ASB8: variants seen among roughly 807,000 people sequenced by gnomAD.
ASB8 encodes the protein ankyrin repeat and SOCS box protein 8.
In ASB8, 15 loss-of-function variants were observed where a neutral mutation model predicts 22.9. The ratio of observed to expected loss-of-function variants is 0.66; its 90% CI spans 0.44 to 1.01. ASB8 has a LOEUF of 1.01. Among genes scored for constraint, ASB8 ranks in the 50% least tolerant of loss-of-function variants. ASB8 has a pLI of 0.00. For missense variants in ASB8, 294 were observed against 356.9 expected, an observed-to-expected ratio of 0.82 and a Z score of 1.42; for synonymous variants, 124 against 140.8, an observed-to-expected ratio of 0.88 and a Z score of 0.84.
In ASB8 at chr12:48,150,286, G is replaced by A. The variant is rs1592847283; in HGVS notation, c.235-288C>T. ...GCAATGTTCTTTTATCTATTCATTAGAATCTCTACCACAGAGTAAGGGGTA... is the reference window on the plus strand; with the variant it reads ...GCAATGTTCTTTTATCTATTCATTAAAATCTCTACCACAGAGTAAGGGGTA... On this transcript the variant is annotated intron_variant, in intron 3 of 3. Transcript: ENST00000317697. The A allele has an allele frequency of 8.9e-6, 6 of 671,472 alleles. No individual in the cohort carries two copies. The East Asian group carries it at 1.6e-4, about 18-fold the overall frequency. 41.6% of individuals were successfully genotyped at this position (671,472 alleles called of 1,614,324 possible).
At chr12:48,155,402 T>A (rs1279103566) in intron 1 of ASB8, among the ~76,000 whole-genome samples, 1 of 152,298 alleles carries the variant, frequency 6.6e-6, no homozygotes, top group East Asian at 1.9e-4. Context: ...ATTACCCATA[T>A]GAAATTGTTT....
Position 48,148,108 on chromosome 12 carries a change from AATTGT to A in ASB8, c.*1253_*1257del, listed in dbSNP as rs1299899893. 1.3e-5 allele frequency: 2 copies of A among 152,180 alleles called. No homozygotes were observed. Among genetic ancestry groups the A allele is most frequent in the African/African-American group, 4.8e-5 (2 of 41,452 alleles). The allele number at this position is 152,180 out of a possible 1,614,324, so 9.4% of individuals were successfully genotyped here. ...CCCATCCCAAGTCCACCCTCCCACC[AATTGT>A]ATTGTATAAATCAATAAAAAGCAAA... On this transcript the variant is annotated 3_prime_UTR_variant, in exon 4 of 4. Coordinates refer to ENST00000317697, the MANE Select transcript of ASB8 (RefSeq NM_024095.5).
In ASB8 at chr12:48,150,771, A is replaced by T. The variant is rs143524508; in HGVS notation, c.234+430T>A. On this transcript the variant is annotated intron_variant, in intron 3 of 3. Transcript: ENST00000317697. Reference sequence around the variant, plus strand: ...AACCTATCTTAAGTACCACTTCTTAAGTACTTTAAGTACTTTTAAGGGTAC... The same window carrying T: ...AACCTATCTTAAGTACCACTTCTTATGTACTTTAAGTACTTTTAAGGGTAC... The T allele has an allele frequency of 9.9e-4, 199 of 201,340 alleles. 2 individuals are homozygous for T. Among genetic ancestry groups the T allele is most frequent in the Admixed American group, 8.9e-3 (163 of 18,340 alleles). 12.5% of individuals were successfully genotyped at this position (201,340 alleles called of 1,614,324 possible).
chr12:48,149,780 A>C lies in ASB8; in HGVS notation c.453T>G (p.Asn151Lys). ...TGGCAGCCCAGCTGAGCGGTGTATC[A>C]TTGTTGTAATCCAGGGCATTGACAG... ...GASVNALDYNNDTPLSWAAMK... is the reference protein window; with the variant it reads ...GASVNALDYNKDTPLSWAAMK... Residue 151 changes from asparagine (N) to lysine (K), a missense_variant, in exon 4 of 4, where the codon AAT becomes AAG. Coordinates refer to ENST00000317697, the MANE Select transcript of ASB8 (RefSeq NM_024095.5). 6.2e-7 allele frequency: 1 copy of C among 1,614,052 alleles called. No homozygotes were observed. Among genetic ancestry groups the C allele is most frequent in the Non-Finnish European group, 8.5e-7 (1 of 1,179,968 alleles).
intron 3 of ASB8, 196 bp downstream of exon 3, chr12:48,151,005 A>G: frequency 1.6e-6 from 1 of 613,392 alleles, no homozygotes; most frequent in East Asian, 2.7e-5. Context: ...ACAGAAAGGT[A>G]AAAGAATGAA....
At chr12:48,152,544 A>G (rs1190645075) in intron 2 of ASB8, among the ~76,000 whole-genome samples, 2 of 152,246 alleles carry the variant, frequency 1.3e-5, no homozygotes, top group Non-Finnish European at 2.9e-5. Flanking sequence ...CCGATGGTTA[A>G]GGTGTTTTCT....
chr12:48,149,360 C>G lies in ASB8; in HGVS notation c.*6G>C. ...GCCTGCACGATGGTGCAAACATCTT[C>G]TCCGGCTATTCTAAAAGTAACAGGT... On this transcript the variant is annotated 3_prime_UTR_variant, in exon 4 of 4. Coordinates refer to ENST00000317697, the MANE Select transcript of ASB8 (RefSeq NM_024095.5). 1 of 1,611,390 alleles carries G rather than the reference C, an allele frequency of 6.2e-7. No homozygotes were observed. Among genetic ancestry groups the G allele is most frequent in the Non-Finnish European group, 8.5e-7 (1 of 1,178,126 alleles).
intron 1 of ASB8, 183 bp from the exon 2 acceptor site, chr12:48,153,712 A>G (rs774665656): frequency 4.5e-6 from 2 of 440,472 alleles, no homozygotes; most frequent in Non-Finnish European, 8.2e-6. Context: ...CCTGGACACA[A>G]ATGTTCTACT....
In ASB8 at chr12:48,149,710, C is replaced by T. The variant is rs1425669993; in HGVS notation, c.523G>A (p.Ala175Thr). 1.2e-6 allele frequency: 2 copies of T among 1,614,076 alleles called. No individual in the cohort carries two copies. The highest frequency in any genetic ancestry group is 1.1e-5 in the South Asian group (1 of 91,072). Residue 175 changes from alanine (A) to threonine (T), a missense_variant, in exon 4 of 4, where the codon GCA (alanine) becomes ACA (threonine). Physicochemically the swap from Ala to Thr is moderately conservative, Grantham distance 58. Coordinates refer to ENST00000317697, the MANE Select transcript of ASB8 (RefSeq NM_024095.5). ...ATTAGGTTGATGACTCTGACCTCTGCGCCATAATCCAGAAGGATGCTGACA... is the reference window on the plus strand; with the variant it reads ...ATTAGGTTGATGACTCTGACCTCTGTGCCATAATCCAGAAGGATGCTGACA... ...ESVSILLDYGAEVRVINLIGQ... is the reference protein window; with the variant it reads ...ESVSILLDYGTEVRVINLIGQ...
chr12:48,149,267 C>G lies in ASB8; in HGVS notation c.*99G>C. The stretch of plus-strand genomic sequence containing the variant: ...GTTGCTTCGAAATCTATAAACCACA[C>G]AACAGGAACAACTGTTTTTCTGTTT... On this transcript the variant is annotated 3_prime_UTR_variant, in exon 4 of 4. Transcript: ENST00000317697. The G allele has an allele frequency of 7.6e-7, 1 of 1,315,452 alleles. No individual in the cohort carries two copies. Among genetic ancestry groups the G allele is most frequent in the Non-Finnish European group, 1.0e-6 (1 of 961,892 alleles). 81.5% of individuals were successfully genotyped at this position (1,315,452 alleles called of 1,614,324 possible).
intron 1 of ASB8, among the ~76,000 whole-genome samples, chr12:48,154,148 T>TA (rs547700144): frequency 6.6e-6 from 1 of 152,158 alleles, no homozygotes; most frequent in South Asian, 2.1e-4. Flanking sequence ...AATGAAAAGT[T>TA]ATCTGAAACA....
Sources: allele counts gnomAD v4.1 joint callset (sites outside exome capture counted in the v4.1 genomes callset), GRCh38; gene constraint gnomAD v4.1.1; transcripts MANE v1.5; gene names NCBI Gene and HGNC (gene_info 2026-07-23, HGNC 2026-07-21).